The following TANC2 variants were observed in gnomAD, a reference collection of about 807,000 sequenced individuals.
TANC2 encodes the protein protein TANC2.
A neutral mutation model predicts 210.5 loss-of-function variants in TANC2; 26 were observed. The ratio of observed to expected loss-of-function variants is 0.12; its 90% CI spans 0.09 to 0.17. The LOEUF is 0.17. Among genes scored for constraint, TANC2 ranks in the 10% least tolerant of loss-of-function variants. TANC2 has a pLI of 1.00. For synonymous variants in TANC2, 931 were observed against 967.1 expected (o/e 0.96, Z 0.69); for missense variants, 2,129 against 2,608.9 (o/e 0.82, Z 4.01).
chr17:63,237,084 T>G (rs897208340), intron 7 of TANC2, among the ~76,000 whole-genome samples: 5 of 152,278 alleles, frequency 3.3e-5, no homozygotes, highest in Middle Eastern at 3.4e-3. Flanking sequence ...CCTTAATGGT[T>G]GTTGTAATTT....
chr17:63,167,279 A>G (rs2040240704), intron 5 of TANC2, among the ~76,000 whole-genome samples: 1 of 152,222 alleles, frequency 6.6e-6, no homozygotes, highest in Non-Finnish European at 1.5e-5. Context: ...TTACCTAAGT[A>G]AGTAAAGGGC....
intron 7 of TANC2, among the ~76,000 whole-genome samples, chr17:63,233,108 G>A (rs1179109447): frequency 1.3e-5 from 2 of 152,208 alleles, no homozygotes; most frequent in Non-Finnish European, 2.9e-5. Context: ...CCTGGCACCA[G>A]TAGGGGAAAA....
rs1568379777 is a variant in TANC2 at position 63,093,811 on chromosome 17, A to G, written c.140-5364A>G. ...TTCATTTTTTTAGAGACAGTATCTC[A>G]CTATGTTGCTCAGGCTGGTCTTAAA... On this transcript the variant is annotated intron_variant, in intron 3 of 27. Coordinates refer to ENST00000689528, the Ensembl canonical transcript of TANC2. Among the ~76,000 whole-genome samples, 7 of 152,088 alleles carry G rather than the reference A, an allele frequency of 4.6e-5. No individual in the cohort carries two copies. In the South Asian group the frequency reaches 1.5e-3, roughly 32 times the overall value.
At chr17:63,379,782 A>G (rs1194483156) in exon 15 of TANC2, 2 of 1,612,942 alleles carry the variant, frequency 1.2e-6, no homozygotes, top group African/African-American at 1.3e-5. Flanking sequence ...CCGACAGCAG[A>G]CTATTGAACT....
intron 3 of TANC2, among the ~76,000 whole-genome samples, chr17:63,095,552 G>GTCTGTTCA: frequency 6.6e-6 from 1 of 152,194 alleles, no homozygotes; most frequent in East Asian, 1.9e-4. Flanking sequence ...AGCATGCTAT[G>GTCTGTTCA]TCTGTTCACT....
chr17:63,387,633 C>T (rs1279171018), intron 15 of TANC2, among the ~76,000 whole-genome samples: 1 of 152,236 alleles, frequency 6.6e-6, no homozygotes, highest in Non-Finnish European at 1.5e-5. Flanking sequence ...TTGTTAATAT[C>T]TTCCTGCCCT....
intron 11 of TANC2, among the ~76,000 whole-genome samples, chr17:63,334,653 A>G (rs2146743648): frequency 6.6e-6 from 1 of 152,146 alleles, no homozygotes; most frequent in East Asian, 1.9e-4. Flanking sequence ...GGATTTGCAT[A>G]GCCTCAAACA....
intron 9 of TANC2, among the ~76,000 whole-genome samples, chr17:63,284,980 CT>C (rs1567881733): frequency 6.6e-6 from 1 of 150,486 alleles, no homozygotes; most frequent in Non-Finnish European, 1.5e-5. Flanking sequence ...AGGGAATGAC[CT>C]TTTTTTAATC....
chr17:63,199,479 C>T (rs138945082), intron 6 of TANC2, among the ~76,000 whole-genome samples: 6 of 151,982 alleles, frequency 3.9e-5, no homozygotes, highest in Admixed American at 1.3e-4. Flanking sequence ...ATTAGCCAGG[C>T]GTGATATTTG....
intron 15 of TANC2, among the ~76,000 whole-genome samples, chr17:63,385,291 A>T (rs1023657477): frequency 6.6e-6 from 1 of 152,150 alleles, no homozygotes; most frequent in South Asian, 2.1e-4. Flanking sequence ...TGAATTCGTT[A>T]ATATAGTTTA....
At chr17:63,359,594 C>T (rs139214079) in intron 14 of TANC2, among the ~76,000 whole-genome samples, 2,949 of 152,194 alleles carry the variant, frequency 0.019, 56 homozygotes, top group Non-Finnish European at 0.029. Context: ...GTGGTCTGCC[C>T]ACCTCAGCCT....
intron 26 of TANC2, among the ~76,000 whole-genome samples, chr17:63,417,771 C>T (rs1018242470): frequency 1.3e-5 from 2 of 152,062 alleles, no homozygotes; most frequent in African/African-American, 2.4e-5. Flanking sequence ...GAGAATTGAA[C>T]CCAGGTCTGT....
chr17:63,140,821 A>G (rs1297215112), intron 4 of TANC2, among the ~76,000 whole-genome samples: 1 of 152,138 alleles, frequency 6.6e-6, no homozygotes, highest in African/African-American at 2.4e-5. Flanking sequence ...ATCTTGGCTC[A>G]TTGCATCCTC....
exon 14 of TANC2, chr17:63,354,800 G>A (rs1345474649): frequency 6.4e-7 from 1 of 1,572,956 alleles, no homozygotes. Context: ...CCAAGCTGCT[G>A]CCTTTCCATA....
At chr17:63,094,527 T>C (rs1485290378) in intron 3 of TANC2, among the ~76,000 whole-genome samples, 1 of 152,204 alleles carries the variant, frequency 6.6e-6, no homozygotes. Flanking sequence ...AGTGAACATA[T>C]TATGCTAGAG....
At chr17:63,294,133 T>C (rs972404881) in intron 9 of TANC2, among the ~76,000 whole-genome samples, 2 of 152,186 alleles carry the variant, frequency 1.3e-5, no homozygotes, top group African/African-American at 2.4e-5. Flanking sequence ...CTAATTTACA[T>C]TGAAGAGATA....
chr17:63,361,375 G>A (rs1453263124), intron 14 of TANC2, among the ~76,000 whole-genome samples: 1 of 152,214 alleles, frequency 6.6e-6, no homozygotes. Context: ...ACAGAACAGT[G>A]AGCAGTGTGT....
exon 5 of TANC2, chr17:63,151,323 C>T: frequency 1.0e-6 from 1 of 985,822 alleles, no homozygotes; most frequent in Non-Finnish European, 1.2e-6. Flanking sequence ...AGAATCCGAG[C>T]TTGGCTCACC....
intron 11 of TANC2, among the ~76,000 whole-genome samples, chr17:63,337,625 AAATTTT>A (rs1422154305): frequency 6.5e-5 from 9 of 137,804 alleles, no homozygotes; most frequent in African/African-American, 2.5e-4. Context: ...TTTTTTTTTT[AAATTTT>A]ATTTTAAGGT....
Sources: gnomAD v4.1 joint callset for allele counts (sites outside exome capture counted in the v4.1 genomes callset) on GRCh38, gnomAD v4.1.1 for gene constraint, MANE v1.5 for transcripts, NCBI Gene and HGNC (gene_info 2026-07-23, HGNC 2026-07-21) for gene names.